Variants in APC observed in about 807,000 individuals in gnomAD.
The protein encoded by APC is APC regulator of Wnt signaling pathway, also known as adenomatous polyposis coli protein.
A neutral mutation model predicts 247.0 loss-of-function variants in APC; 72 were observed. The observed-to-expected ratio is 0.29, with a 90% CI of 0.24 to 0.35. The LOEUF (loss-of-function observed/expected upper bound fraction) is 0.35. Ranked by LOEUF, APC falls within the 10% of genes least tolerant of loss-of-function variation. The pLI, the probability that APC is intolerant of heterozygous loss-of-function variation, is 1.00. For synonymous variants in APC, 1,254 were observed against 1,162.5 expected, an observed-to-expected ratio of 1.08 and a Z score of -1.60; for missense variants, 3,400 against 3,360.7, an observed-to-expected ratio of 1.01 and a Z score of -0.29.
At chr5:112,783,805 GA>G in intron 6 of APC, 1 of 337,870 alleles carries the variant, frequency 3.0e-6, no homozygotes, top group Non-Finnish European at 5.6e-6. Flanking sequence ...GGAAAGAAAA[GA>G]AAAGAAAGAA....
intron 14 of APC, among the ~76,000 whole-genome samples, chr5:112,832,406 G>A (rs1764391600): frequency 6.6e-6 from 1 of 152,122 alleles, no homozygotes; most frequent in South Asian, 2.1e-4. Flanking sequence ...TTGCATAAAA[G>A]CACTCTATCT....
chr5:112,808,993 A>T (rs1204638812), intron 8 of APC, among the ~76,000 whole-genome samples: 1 of 152,132 alleles, frequency 6.6e-6, no homozygotes, highest in African/African-American at 2.4e-5. Flanking sequence ...TGTGAGAGAA[A>T]ATAATGAGTC....
intron 10 of APC, among the ~76,000 whole-genome samples, chr5:112,820,626 G>T (rs1438012313): frequency 6.6e-6 from 1 of 152,110 alleles, no homozygotes; most frequent in Non-Finnish European, 1.5e-5. Context: ...GTTACGTAAT[G>T]ACCCACATTT....
chr5:112,756,690 C>G (rs376134547), intron 2 of APC, among the ~76,000 whole-genome samples: 118 of 152,190 alleles, frequency 7.8e-4, no homozygotes, highest in African/African-American at 2.7e-3. Context: ...ATTTGAGAGA[C>G]AATGTAACTT....
intron 1 of APC, among the ~76,000 whole-genome samples, chr5:112,714,782 C>T (rs1751062778): frequency 6.6e-6 from 1 of 152,122 alleles, no homozygotes. Context: ...ATCTATATAT[C>T]ACACTCTATG....
chr5:112,786,204 C>T (rs755647985), intron 6 of APC, among the ~76,000 whole-genome samples: 1 of 152,302 alleles, frequency 6.6e-6, no homozygotes, highest in African/African-American at 2.4e-5. Flanking sequence ...ACCCTCCTTC[C>T]TCAGCCTCCC....
intron 1 of APC, among the ~76,000 whole-genome samples, chr5:112,715,704 A>G (rs1172294040): frequency 6.6e-6 from 1 of 152,150 alleles, no homozygotes; most frequent in African/African-American, 2.4e-5. Flanking sequence ...TTATATTTTG[A>G]TACGTGTATA....
chr5:112,758,578 C>T (rs1479909038), intron 2 of APC, among the ~76,000 whole-genome samples: 1 of 152,136 alleles, frequency 6.6e-6, no homozygotes, highest in Non-Finnish European at 1.5e-5. Flanking sequence ...ACCGCCTCGG[C>T]CTCCCAAAGT....
At chr5:112,749,124 C>A (rs138863865) in intron 1 of APC, among the ~76,000 whole-genome samples, 82 of 152,148 alleles carry the variant, frequency 5.4e-4, no homozygotes, top group African/African-American at 1.9e-3. Flanking sequence ...TTATATTGCA[C>A]TCTACTCGCA....
chr5:112,834,980 C>T lies in APC; in HGVS notation c.1773C>T (p.Ala591=), dbSNP rs1580603391. The T allele has an allele frequency of 6.2e-7, 1 of 1,613,962 alleles. No individual in the cohort carries two copies. Among genetic ancestry groups the T allele is most frequent in the East Asian group, 2.2e-5 (1 of 44,874 alleles). The change falls in exon 15 of 16, where the codon GCC becomes GCT. Residue 591 remains alanine (A), a synonymous_variant. Coordinates refer to ENST00000257430, the MANE Select transcript of APC (RefSeq NM_000038.6). The part of the protein sequence containing the change: ...KESTLKSVLS[A]LWNLSAHCTE... ...CAACCCTCAAAAGCGTATTGAGTGC[C>T]TTATGGAATTTGTCAGCACATTGCA...
chr5:112,738,940 T>C lies in APC; in HGVS notation c.-19+1015T>C, dbSNP rs193069561. Among the ~76,000 whole-genome samples, 55 of 152,344 alleles carry C rather than the reference T, an allele frequency of 3.6e-4. 2 individuals carry two copies. In the East Asian group the frequency reaches 6.2e-3, roughly 17 times the overall value. On this transcript the variant is annotated intron_variant, in intron 1 of 15. Coordinates refer to ENST00000257430, the MANE Select transcript of APC (RefSeq NM_000038.6). ...TGAAACAGTGGATCTTTTCTTTTGT[T>C]AGTGAAGCTTTTATGCCATTAATTA...
At chr5:112,717,494 T>A (rs967958342) in intron 1 of APC, among the ~76,000 whole-genome samples, 4 of 152,196 alleles carry the variant, frequency 2.6e-5, no homozygotes, top group Non-Finnish European at 5.9e-5. Flanking sequence ...CTTTAGAATG[T>A]CCTTTAGTCT....
chr5:112,772,291 T>G (rs932154648), intron 4 of APC, among the ~76,000 whole-genome samples: 15 of 152,182 alleles, frequency 9.9e-5, no homozygotes, highest in African/African-American at 3.6e-4. Flanking sequence ...GTTCTGAGCC[T>G]TATGAACTGC....
chr5:112,794,387 A>G (rs1415417312), intron 7 of APC, among the ~76,000 whole-genome samples: 1 of 152,148 alleles, frequency 6.6e-6, no homozygotes, highest in Non-Finnish European at 1.5e-5. Flanking sequence ...ACCCCTGTTA[A>G]ACCTTTTAAA....
At position 112,841,980 on chromosome 5, in the gene APC, C is replaced by G. The variant is rs587782301; in HGVS notation, c.6386C>G (p.Ser2129Trp). Residue 2129 changes from serine (S) to tryptophan (W), a missense_variant, in exon 16 of 16, where the codon TCG becomes TGG. By Grantham distance (177) the Ser-to-Trp change is radical. Around this residue, in one of 9 missense-constraint regions of APC, gnomAD observed 1,788 missense variants for 1,649.5 expected, o/e 1.08. Coordinates refer to ENST00000257430, the MANE Select transcript of APC (RefSeq NM_000038.6). This position sits in a 1 kb window ranked among gnomAD's most constrained non-coding sequence, Gnocchi z 4.6. ...GCTGCATGTTTATCTAGACAAGCTT[C>G]GTCTGATTCAGATTCCATCCTTTCC... is the stretch of plus-strand genomic sequence containing the variant. ...AAAACLSRQA[S>W]SDSDSILSLK... The G allele has an allele frequency of 1.9e-6, 3 of 1,613,028 alleles. No homozygotes were observed. The highest frequency in any genetic ancestry group is 2.5e-6 in the Non-Finnish European group (3 of 1,179,112).
intron 1 of APC, among the ~76,000 whole-genome samples, chr5:112,718,997 G>C (rs1751335463): frequency 1.3e-5 from 2 of 152,186 alleles, no homozygotes; most frequent in Admixed American, 6.5e-5. Flanking sequence ...GAAGGAGACA[G>C]AGGATATTTT....
At chr5:112,811,506 C>G (rs1052947777) in intron 8 of APC, among the ~76,000 whole-genome samples, 7 of 152,114 alleles carry the variant, frequency 4.6e-5, no homozygotes, top group Non-Finnish European at 7.4e-5. Context: ...ATAGAGAATA[C>G]GAGTATGTGT....
chr5:112,719,625 C>T (rs1471699660), intron 1 of APC, among the ~76,000 whole-genome samples: 1 of 150,452 alleles, frequency 6.6e-6, no homozygotes, highest in African/African-American at 2.5e-5. Flanking sequence ...ACCTCCGCCT[C>T]CCAGGTTCAG....
intron 6 of APC, among the ~76,000 whole-genome samples, chr5:112,786,823 T>C (rs1368604325): frequency 6.6e-6 from 1 of 151,982 alleles, no homozygotes; most frequent in Non-Finnish European, 1.5e-5. Context: ...ACATAGTAAA[T>C]ATTTAGGTTT....
Sources: gnomAD v4.1 joint callset for allele counts (sites outside exome capture counted in the v4.1 genomes callset) on GRCh38, gnomAD v4.1.1 for gene constraint, gnomAD v4.1.1 regional missense constraint, Gnocchi (gnomAD v3.1) non-coding constraint, MANE v1.5 for transcripts, NCBI Gene and HGNC (gene_info 2026-07-23, HGNC 2026-07-21) for gene names.